Variants in NXPE2 observed in about 807,000 individuals in gnomAD.
NXPE2 encodes the protein NXPE family member 2.
Under a neutral mutation model 34.4 loss-of-function variants are expected in NXPE2, and 34 were observed. The ratio of observed to expected loss-of-function variants is 0.99; its 90% confidence interval spans 0.75 to 1.31. The LOEUF (loss-of-function observed/expected upper bound fraction) is 1.31, where lower values mean the gene tolerates loss of function less well. Among genes scored for constraint, NXPE2 ranks in the 40% most tolerant of loss-of-function variants. The probability of loss-of-function intolerance (pLI) is 0.00; values close to 1 mark genes in which losing one functional copy is unlikely to be tolerated. For synonymous variants in NXPE2, 235 were observed against 231.3 expected, an observed-to-expected ratio of 1.02 and a Z score of -0.15; for missense variants, 649 against 672.5, an observed-to-expected ratio of 0.97 and a Z score of 0.39.
At chr11:114,752,981 C>T in the NXPE2 span, among the ~76,000 whole-genome samples, 7 of 152,014 alleles carry the variant, frequency 4.6e-5, no homozygotes, top group Non-Finnish European at 7.4e-5. Flanking sequence ...ATTTGGAGAT[C>T]GGGGAGATGT....
the NXPE2 span, chr11:114,580,363 A>G: frequency 1.9e-6 from 3 of 1,600,576 alleles, no homozygotes; most frequent in Non-Finnish European, 2.6e-6. Context: ...ATGAGATAGG[A>G]TCTTCCAAAA....
At chr11:114,601,937 AT>A in the NXPE2 span, among the ~76,000 whole-genome samples, 2 of 82,088 alleles carry the variant, frequency 2.4e-5, no homozygotes, top group African/African-American at 5.0e-5. Flanking sequence ...ATTTATATAT[AT>A]TATATAATTA....
At chr11:114,580,190 G>C in the NXPE2 span, 25 of 1,613,908 alleles carry the variant, frequency 1.5e-5, no homozygotes, top group South Asian at 2.7e-4. Flanking sequence ...CTCCCATTAG[G>C]TATATGAGTT....
the NXPE2 span, among the ~76,000 whole-genome samples, chr11:114,610,835 A>C: frequency 6.6e-6 from 1 of 152,084 alleles, no homozygotes; most frequent in East Asian, 1.9e-4. Flanking sequence ...TGTGGATAAT[A>C]AGTATTGCCT....
At chr11:114,693,248 C>A (rs1279349714) in intron 2 of NXPE2, among the ~76,000 whole-genome samples, 1 of 152,112 alleles carries the variant, frequency 6.6e-6, no homozygotes, top group Non-Finnish European at 1.5e-5. Context: ...AAACCTTCTT[C>A]TTGCCCCATA....
chr11:114,766,331 G>A, the NXPE2 span, among the ~76,000 whole-genome samples: 1 of 152,098 alleles, frequency 6.6e-6, no homozygotes, highest in Non-Finnish European at 1.5e-5. Context: ...TCCCCTATTA[G>A]GAACCAGCTG....
chr11:114,537,942 A>T, the NXPE2 span, among the ~76,000 whole-genome samples: 7 of 152,318 alleles, frequency 4.6e-5, no homozygotes, highest in East Asian at 1.3e-3. Flanking sequence ...TTTAAAGTTC[A>T]TATGGAACCA....
chr11:114,749,358 A>G, the NXPE2 span, among the ~76,000 whole-genome samples: 1 of 152,206 alleles, frequency 6.6e-6, no homozygotes, highest in African/African-American at 2.4e-5. Context: ...CTGTATCAGC[A>G]GGGAACTGAT....
chr11:114,494,226 G>C, the NXPE2 span, among the ~76,000 whole-genome samples: 1 of 152,010 alleles, frequency 6.6e-6, no homozygotes, highest in Non-Finnish European at 1.5e-5. Context: ...TTTTGTACTT[G>C]AATATTGATA....
At chr11:114,793,031 C>CTT in the NXPE2 span, among the ~76,000 whole-genome samples, 1 of 152,126 alleles carries the variant, frequency 6.6e-6, no homozygotes, top group Non-Finnish European at 1.5e-5. Context: ...AAAAGCACCT[C>CTT]TTTATGTTGA....
the NXPE2 span, among the ~76,000 whole-genome samples, chr11:114,645,880 T>C: frequency 6.6e-6 from 1 of 152,144 alleles, no homozygotes; most frequent in African/African-American, 2.4e-5. Flanking sequence ...TTGATAAGTA[T>C]TTGGCATAAT....
the NXPE2 span, among the ~76,000 whole-genome samples, chr11:114,472,685 G>T: frequency 6.6e-6 from 1 of 152,120 alleles, no homozygotes; most frequent in Non-Finnish European, 1.5e-5. Flanking sequence ...CTTCTTGCTG[G>T]TCCTCACATA....
the NXPE2 span, among the ~76,000 whole-genome samples, chr11:114,769,017 C>T: frequency 2.1e-3 from 315 of 152,078 alleles, no homozygotes; most frequent in African/African-American, 7.4e-3. Flanking sequence ...TCAGAGTGAA[C>T]AGGCAACCTA....
chr11:114,636,634 A>G, the NXPE2 span, among the ~76,000 whole-genome samples: 1 of 151,946 alleles, frequency 6.6e-6, no homozygotes, highest in Non-Finnish European at 1.5e-5. Flanking sequence ...ACTGCTTTGA[A>G]TGTGTCCCAG....
the NXPE2 span, among the ~76,000 whole-genome samples, chr11:114,757,572 C>T: frequency 3.3e-5 from 5 of 152,068 alleles, no homozygotes; most frequent in South Asian, 8.3e-4. Flanking sequence ...ATATTGTTAC[C>T]CCCATTAGTG....
At chr11:114,677,122 G>A (rs1950867735), upstream of NXPE2, among the ~76,000 whole-genome samples, 1 of 152,046 alleles carries the variant, frequency 6.6e-6, no homozygotes, top group Non-Finnish European at 1.5e-5. Flanking sequence ...TGGTCAGGGA[G>A]AGGGGCAAAT....
chr11:114,638,644 T>G, the NXPE2 span, among the ~76,000 whole-genome samples: 2 of 152,080 alleles, frequency 1.3e-5, no homozygotes, highest in Non-Finnish European at 2.9e-5. Context: ...AGGTTTTTGG[T>G]GTGGATGTCC....
chr11:114,569,216 A>G, the NXPE2 span, among the ~76,000 whole-genome samples: 694 of 152,322 alleles, frequency 4.6e-3, 5 homozygotes, highest in South Asian at 0.026. Context: ...TTAAGGAAGA[A>G]TATGGTACCA....
chr11:114,645,347 C>T, the NXPE2 span, among the ~76,000 whole-genome samples: 8 of 151,758 alleles, frequency 5.3e-5, no homozygotes, highest in African/African-American at 1.9e-4. Context: ...CAAAAGATTC[C>T]CTATACCACA....
Sources: allele counts gnomAD v4.1 joint callset (sites outside exome capture counted in the v4.1 genomes callset), GRCh38; gene constraint gnomAD v4.1.1; transcripts MANE v1.5; gene names NCBI Gene and HGNC (gene_info 2026-07-23, HGNC 2026-07-21).